Variants in N4BP2 observed in about 807,000 individuals in gnomAD.
N4BP2 encodes NEDD4 binding protein 2, also known as NEDD4-binding protein 2.
N4BP2 carries 91 observed loss-of-function variants against 152.8 expected under a neutral mutation model. The ratio of observed to expected loss-of-function variants is 0.60; its 90% confidence interval spans 0.50 to 0.71. N4BP2 has a LOEUF of 0.71. Among genes scored for constraint, N4BP2 ranks in the 30% least tolerant of loss-of-function variants. The probability of loss-of-function intolerance (pLI) is 0.00; values close to 1 mark genes in which losing one functional copy is unlikely to be tolerated. For missense variants in N4BP2, 1,923 were observed against 2,059.1 expected (o/e 0.93, Z 1.28); for synonymous variants, 646 against 705.3 (o/e 0.92, Z 1.33).
chr4:40,178,572 C>A, the N4BP2 span, among the ~76,000 whole-genome samples: 1 of 152,200 alleles, frequency 6.6e-6, no homozygotes, highest in Non-Finnish European at 1.5e-5. Flanking sequence ...CGTGGGCATA[C>A]TTTATCATTG....
intron 1 of N4BP2, among the ~76,000 whole-genome samples, chr4:40,061,047 T>C (rs887355897): frequency 6.6e-6 from 1 of 151,942 alleles, no homozygotes; most frequent in African/African-American, 2.4e-5. Context: ...ACTTCTGGGC[T>C]CAAGCAATCC....
chr4:40,171,136 G>C, the N4BP2 span, among the ~76,000 whole-genome samples: 343 of 152,290 alleles, frequency 2.3e-3, 3 homozygotes, highest in African/African-American at 7.9e-3. Context: ...TATCTTGCTA[G>C]GTTGCATATT....
chr4:40,075,335 C>T (rs963804802), intron 2 of N4BP2, among the ~76,000 whole-genome samples: 12 of 152,162 alleles, frequency 7.9e-5, no homozygotes, highest in Non-Finnish European at 1.5e-4. Flanking sequence ...TATTTTTCAG[C>T]AACTGGCTTT....
chr4:40,106,491 C>CT (rs1343679151), intron 4 of N4BP2, among the ~76,000 whole-genome samples: 1 of 151,954 alleles, frequency 6.6e-6, no homozygotes, highest in Non-Finnish European at 1.5e-5. Context: ...TAATTTTTGT[C>CT]TTTTTTGTAT....
chr4:40,118,006 G>A lies in N4BP2; in HGVS notation c.1802G>A (p.Cys601Tyr), dbSNP rs1256115342. 1 of 1,600,272 alleles carries A rather than the reference G, an allele frequency of 6.2e-7. No individual in the cohort carries two copies. Among genetic ancestry groups the A allele is most frequent in the Non-Finnish European group, 8.5e-7 (1 of 1,173,814 alleles). The stretch of plus-strand genomic sequence containing the variant: ...CGTATTGAGTTGTGTGCATATTCTT[G>A]TGAGGATAGAAGCACTAGGTAGGTT... The part of the protein sequence containing the change: ...IERIELCAYS[C>Y]EDRSTSPRDD... The change falls in exon 8 of 18, where the codon TGT (cysteine) becomes TAT (tyrosine). Residue 601 changes from cysteine (C) to tyrosine (Y), a missense_variant. Coordinates refer to ENST00000261435, the MANE Select transcript of N4BP2 (RefSeq NM_018177.6).
chr4:40,106,807 T>C (rs917712488), intron 4 of N4BP2, 93 bp from the exon 5 acceptor site: 51 of 1,240,184 alleles, frequency 4.1e-5, no homozygotes, highest in Non-Finnish European at 5.7e-5. Context: ...ATGATAGTAC[T>C]TGAATAATTT....
In N4BP2 at chr4:40,120,740, A is replaced by T. The variant is rs747664097; in HGVS notation, c.2629A>T (p.Asn877Tyr). The change falls in exon 9 of 18, where the codon AAC becomes TAC. Residue 877 changes from asparagine (N) to tyrosine (Y), a missense_variant. Transcript: ENST00000261435. ...KYDAYKNIDK[N>Y]SFNIMGDWPS... is the part of the protein sequence containing the mutation. Reference sequence around the variant, plus strand: ...TGATGCTTATAAAAATATTGACAAAAACTCATTCAACATTATGGGTGACTG... The same window carrying T: ...TGATGCTTATAAAAATATTGACAAATACTCATTCAACATTATGGGTGACTG... 1.1e-5 allele frequency: 18 copies of T among 1,614,084 alleles called. No homozygotes were observed. Among genetic ancestry groups the T allele is most frequent in the Non-Finnish European group, 1.5e-5 (18 of 1,179,992 alleles).
At chr4:40,104,891 G>A (rs1181220839) in intron 4 of N4BP2, among the ~76,000 whole-genome samples, 1 of 149,528 alleles carries the variant, frequency 6.7e-6, no homozygotes, top group East Asian at 2.0e-4. Context: ...TGCAAGCTCC[G>A]CCTCCCAGGT....
intron 11 of N4BP2, among the ~76,000 whole-genome samples, 164 bp from the exon 12 acceptor site, chr4:40,125,970 G>A (rs934028827): frequency 2.0e-5 from 3 of 151,346 alleles, no homozygotes; most frequent in African/African-American, 7.3e-5. Flanking sequence ...TCTTACTTGC[G>A]ATGACGTGAA....
At chr4:40,168,138 A>G in the N4BP2 span, among the ~76,000 whole-genome samples, 1 of 152,148 alleles carries the variant, frequency 6.6e-6, no homozygotes, top group Non-Finnish European at 1.5e-5. Flanking sequence ...ACTTGATCAT[A>G]CCAGTATATA....
intron 1 of N4BP2, among the ~76,000 whole-genome samples, chr4:40,065,425 A>G (rs1484322549): frequency 6.6e-6 from 1 of 152,206 alleles, no homozygotes; most frequent in Non-Finnish European, 1.5e-5. Context: ...GAATGGACCT[A>G]GAAGAGGTAA....
chr4:40,088,376 C>T lies in N4BP2; in HGVS notation c.-114-8851C>T, dbSNP rs1187860301. 2.6e-5 allele frequency among the ~76,000 whole-genome samples: 4 copies of T among 152,114 alleles called. No individual in the cohort carries two copies. The East Asian group carries it at 7.7e-4, about 29-fold the overall frequency. The stretch of plus-strand genomic sequence containing the variant: ...AACTGCAGAATATTTTTCAGAGTGA[C>T]TGTACCATTTTACATTCCCATCAGC... On this transcript the variant is annotated intron_variant, in intron 2 of 17. Coordinates refer to ENST00000261435, the MANE Select transcript of N4BP2 (RefSeq NM_018177.6).
At chr4:40,104,820 T>C (rs1320244320) in intron 4 of N4BP2, among the ~76,000 whole-genome samples, 1 of 151,674 alleles carries the variant, frequency 6.6e-6, no homozygotes, top group African/African-American at 2.4e-5. Context: ...TTTTTTTTTT[T>C]TGGAGACAGA....
At chr4:40,118,578 GT>G (rs1401930584) in intron 8 of N4BP2, among the ~76,000 whole-genome samples, 3 of 152,168 alleles carry the variant, frequency 2.0e-5, no homozygotes, top group African/African-American at 7.2e-5. Context: ...TGTCCTCAGA[GT>G]TTTGTGAGTC....
At chr4:40,069,039 G>A (rs1268884825) in intron 1 of N4BP2, among the ~76,000 whole-genome samples, 1 of 152,124 alleles carries the variant, frequency 6.6e-6, no homozygotes, top group Non-Finnish European at 1.5e-5. Flanking sequence ...AGAATCGCTT[G>A]AACCTGGGAG....
chr4:40,145,466 C>A (rs1248774365), intron 16 of N4BP2, among the ~76,000 whole-genome samples: 1 of 152,172 alleles, frequency 6.6e-6, no homozygotes, highest in Non-Finnish European at 1.5e-5. Context: ...TCAAGCAATC[C>A]ACCTGCCTTG....
At chr4:40,086,071 G>T (rs1236446824) in intron 2 of N4BP2, among the ~76,000 whole-genome samples, 2 of 149,602 alleles carry the variant, frequency 1.3e-5, no homozygotes, top group Non-Finnish European at 3.0e-5. Flanking sequence ...GGATTCGAGC[G>T]ATCCTCCTGC....
intron 12 of N4BP2, 140 bp downstream of exon 12, chr4:40,126,470 A>G (rs2252352): frequency 0.08 from 39,566 of 492,734 alleles, 4,038 homozygotes; most frequent in East Asian, 0.45. Flanking sequence ...ATTGAAAAAT[A>G]TTTTAAGTAT....
At chr4:40,071,732 A>T (rs1337284695) in intron 1 of N4BP2, among the ~76,000 whole-genome samples, 2 of 151,416 alleles carry the variant, frequency 1.3e-5, no homozygotes, top group Non-Finnish European at 2.9e-5. Context: ...ACGCCCAGCT[A>T]ATTATGTATT....
Sources: allele counts gnomAD v4.1 joint callset (sites outside exome capture counted in the v4.1 genomes callset), GRCh38; gene constraint gnomAD v4.1.1; transcripts MANE v1.5; gene names NCBI Gene and HGNC (gene_info 2026-07-23, HGNC 2026-07-21).